Variants in USP49 observed in about 807,000 individuals in gnomAD.
The protein encoded by USP49 is ubiquitin specific peptidase 49.
USP49 carries 24 observed loss-of-function variants against 58.6 expected under a neutral mutation model. That is an observed-to-expected ratio of 0.41 (90% CI 0.30 to 0.58). The LOEUF (loss-of-function observed/expected upper bound fraction) is 0.58. Ranked by LOEUF, USP49 falls within the 20% of genes least tolerant of loss-of-function variation. The pLI, the probability that USP49 is intolerant of heterozygous loss-of-function variation, is 0.30. For missense variants in USP49, 703 were observed against 866.1 expected, an observed-to-expected ratio of 0.81 and a Z score of 2.36; for synonymous variants, 408 against 365.1, an observed-to-expected ratio of 1.12 and a Z score of -1.34.
At chr6:41,821,293 C>G (rs1045513873) in intron 3 of USP49, among the ~76,000 whole-genome samples, 1 of 152,150 alleles carries the variant, frequency 6.6e-6, no homozygotes, top group African/African-American at 2.4e-5. Context: ...CAAGTTGCCC[C>G]CAACCCCACC....
At chr6:41,884,521 CA>C (rs1335475654) in intron 2 of USP49, among the ~76,000 whole-genome samples, 1 of 152,140 alleles carries the variant, frequency 6.6e-6, no homozygotes, top group African/African-American at 2.4e-5. Flanking sequence ...AAGGACATAT[CA>C]AACACATTAG....
rs1772892150 is a variant in USP49, at chr6:41,796,649, T to C, written c.1951A>G (p.Ile651Val). 1 of 717,358 alleles carries C rather than the reference T, an allele frequency of 1.4e-6. No individual in the cohort carries two copies. The highest frequency in any genetic ancestry group is 1.5e-5 in the South Asian group (1 of 67,610). The allele number at this position is 717,358 out of a possible 1,614,324, so 44.4% of individuals were successfully genotyped here. Residue 651 changes from isoleucine (I) to valine (V), a missense_variant, in exon 8 of 8, where the codon ATC becomes GTC. Transcript: ENST00000682992. ...ACTGTTCTTTGAGTGTAAAAAAGGA[T>C]GTAGGCCTGGGTTTTGCACACTTCC... ...VEEVCKTQAY[I>V]LFYTQRTVQG... is the part of the protein sequence containing the mutation.
At chr6:41,827,412 G>T (rs1020492402) in intron 3 of USP49, among the ~76,000 whole-genome samples, 1 of 151,980 alleles carries the variant, frequency 6.6e-6, no homozygotes, top group African/African-American at 2.4e-5. Flanking sequence ...GTAATCCCAG[G>T]ACTTTGGGAG....
intron 3 of USP49, among the ~76,000 whole-genome samples, chr6:41,810,828 G>A (rs1773245377): frequency 6.6e-6 from 1 of 151,880 alleles, no homozygotes; most frequent in Non-Finnish European, 1.5e-5. Flanking sequence ...CAAAGTGCTG[G>A]GATTATAGGT....
intron 3 of USP49, among the ~76,000 whole-genome samples, chr6:41,828,594 G>T (rs559122505): frequency 1.3e-5 from 2 of 152,284 alleles, no homozygotes; most frequent in Non-Finnish European, 2.9e-5. Context: ...CATATTAAAT[G>T]ATTGGAGTTC....
intron 3 of USP49, among the ~76,000 whole-genome samples, chr6:41,830,214 T>G (rs1773610675): frequency 6.6e-6 from 1 of 152,236 alleles, no homozygotes; most frequent in African/African-American, 2.4e-5. Flanking sequence ...CCACTTTATC[T>G]CTTCTCTAAA....
At chr6:41,871,981 G>A (rs919510643) in intron 2 of USP49, among the ~76,000 whole-genome samples, 10 of 152,152 alleles carry the variant, frequency 6.6e-5, no homozygotes, top group African/African-American at 2.2e-4. Context: ...CAAATTCATG[G>A]TAACAAAAAT....
At chr6:41,812,899 A>G (rs1024381141) in intron 3 of USP49, among the ~76,000 whole-genome samples, 1 of 152,186 alleles carries the variant, frequency 6.6e-6, no homozygotes, top group African/African-American at 2.4e-5. Context: ...TGTATCATCA[A>G]TCATATATAT....
At chr6:41,840,267 G>A (rs193159382) in intron 3 of USP49, among the ~76,000 whole-genome samples, 12 of 151,530 alleles carry the variant, frequency 7.9e-5, no homozygotes, top group Non-Finnish European at 1.3e-4. Context: ...CCAGCTACTC[G>A]GGAGGCTGAG....
chr6:41,854,204 C>A (rs975408779), intron 3 of USP49, among the ~76,000 whole-genome samples: 1 of 150,750 alleles, frequency 6.6e-6, no homozygotes, highest in Non-Finnish European at 1.5e-5. Flanking sequence ...GTAGTCCCAG[C>A]TACCCAGGAG....
At chr6:41,862,647 T>G (rs569149831) in intron 3 of USP49, among the ~76,000 whole-genome samples, 1 of 152,348 alleles carries the variant, frequency 6.6e-6, no homozygotes, top group Admixed American at 6.5e-5. Context: ...TGAACTCAAT[T>G]TTTTTAATAG....
chr6:41,817,794 T>G (rs997131766), intron 3 of USP49, among the ~76,000 whole-genome samples: 5 of 152,082 alleles, frequency 3.3e-5, no homozygotes, highest in African/African-American at 1.2e-4. Flanking sequence ...TTTTGTATTT[T>G]TCGTAGAGAC....
At chr6:41,882,233 G>A (rs1774621240) in intron 2 of USP49, among the ~76,000 whole-genome samples, 2 of 152,170 alleles carry the variant, frequency 1.3e-5, no homozygotes, top group African/African-American at 4.8e-5. Context: ...GACATTGAGT[G>A]GACAGGCCCA....
Position 41,803,326 on chromosome 6 carries a change from C to T in USP49, c.1561+480G>A, listed in dbSNP as rs1480709946. 1.3e-5 allele frequency among the ~76,000 whole-genome samples: 2 copies of T among 152,082 alleles called. No homozygotes were observed. Among genetic ancestry groups the T allele is most frequent in the Non-Finnish European group, 2.9e-5 (2 of 68,030 alleles). On this transcript the variant is annotated intron_variant, in intron 5 of 7. Coordinates refer to ENST00000682992, the MANE Select transcript of USP49 (RefSeq NM_001286554.2). This position sits in a 1 kb window ranked among gnomAD's most constrained non-coding sequence, Gnocchi z 4.1. Reference sequence around the variant, plus strand: ...TTGTTGTTGTTGTTGTTGTTTGAAACGGAGTCTTGCTCTGTTGCCCAGGCT... The same window carrying T: ...TTGTTGTTGTTGTTGTTGTTTGAAATGGAGTCTTGCTCTGTTGCCCAGGCT...
chr6:41,873,164 G>T lies in USP49; in HGVS notation c.-102-1527C>A, dbSNP rs1020779635. On this transcript the variant is annotated intron_variant, in intron 2 of 7. Coordinates refer to ENST00000682992, the MANE Select transcript of USP49 (RefSeq NM_001286554.2). ...TATAATGGAGCAGAGCTGGGATTAG[G>T]TGGGGGTGAAGCTCTTGGGTCAAGG... 2.6e-5 allele frequency among the ~76,000 whole-genome samples: 4 copies of T among 152,308 alleles called. No homozygotes were observed. The East Asian group carries it at 7.7e-4, about 29-fold the overall frequency.
At chr6:41,821,997 C>T (rs1773460948) in intron 3 of USP49, among the ~76,000 whole-genome samples, 1 of 152,150 alleles carries the variant, frequency 6.6e-6, no homozygotes, top group Admixed American at 6.5e-5. Flanking sequence ...CACCAACCAA[C>T]AGGTTGGTTT....
intron 2 of USP49, among the ~76,000 whole-genome samples, chr6:41,877,674 C>G (rs557224816): frequency 6.8e-6 from 1 of 147,744 alleles, no homozygotes; most frequent in African/African-American, 2.5e-5. Flanking sequence ...AATTCTCATG[C>G]CTCAGCCTCC....
rs760545133 is a variant in USP49 at position 41,799,969 on chromosome 6, G to A, written c.1562-31C>T. 4.1e-5 allele frequency: 66 copies of A among 1,590,916 alleles called. 1 individual carries two copies. In the East Asian group the frequency reaches 7.4e-4, roughly 18 times the overall value. ...TGGTTTGGGAAGGTATAAGACATAG[G>A]TTGTGAGGAGTTTTTTCTAGCTATG... is the stretch of plus-strand genomic sequence containing the variant. On this transcript the variant is annotated intron_variant, in intron 5 of 7. Transcript: ENST00000682992.
intron 7 of USP49, chr6:41,797,675 G>A (rs1772909799): frequency 1.0e-6 from 1 of 985,860 alleles, no homozygotes; most frequent in Middle Eastern, 5.2e-4. Context: ...ATAAGCTGCG[G>A]CTAGTGAGAT....
Sources: allele counts gnomAD v4.1 joint callset (sites outside exome capture counted in the v4.1 genomes callset), GRCh38; gene constraint gnomAD v4.1.1; non-coding constraint Gnocchi (gnomAD v3.1); transcripts MANE v1.5; gene names NCBI Gene and HGNC (gene_info 2026-07-23, HGNC 2026-07-21).